EPB41L2: variants seen among roughly 807,000 people sequenced by gnomAD.
The protein encoded by EPB41L2 is erythrocyte membrane protein band 4.1 like 2, also known as band 4.1-like protein 2.
Under a neutral mutation model 113.0 loss-of-function variants are expected in EPB41L2, and 43 were observed. The ratio of observed to expected loss-of-function variants is 0.38; its 90% CI spans 0.30 to 0.49. EPB41L2 has a LOEUF of 0.49. EPB41L2 is among the 20% of genes least tolerant of loss of function. The pLI is 0.95. For synonymous variants in EPB41L2, 442 were observed against 436.7 expected, an observed-to-expected ratio of 1.01 and a Z score of -0.15; for missense variants, 1,147 against 1,223.4, an observed-to-expected ratio of 0.94 and a Z score of 0.93.
At chr6:131,029,943 G>A (rs1201343561) in intron 1 of EPB41L2, among the ~76,000 whole-genome samples, 5 of 148,688 alleles carry the variant, frequency 3.4e-5, no homozygotes. Context: ...CTGCACAATT[G>A]GATTGTGGCT....
intron 14 of EPB41L2, chr6:130,872,232 T>C: frequency 1.6e-6 from 1 of 614,666 alleles, no homozygotes; most frequent in South Asian, 2.9e-5. Flanking sequence ...ATTCAGTCAT[T>C]GTTTCTTGAA....
chr6:131,013,251 T>A lies in EPB41L2; in HGVS notation c.-15+49904A>T, dbSNP rs557447214. Among the ~76,000 whole-genome samples, 37 of 140,672 alleles carry A rather than the reference T, an allele frequency of 2.6e-4. No homozygotes were observed. The East Asian group carries it at 3.1e-3, about 12-fold the overall frequency. 92.3% of individuals were successfully genotyped at this position (140,672 alleles called of 152,430 possible). The stretch of plus-strand genomic sequence containing the variant: ...TCAGTTAACTAAAGAAAAAAAAAAA[T>A]ATATATATATAAGACCCAATCCTGT... On this transcript the variant is annotated intron_variant, in intron 1 of 19. Transcript: ENST00000337057.
intron 4 of EPB41L2, among the ~76,000 whole-genome samples, chr6:130,911,627 T>C (rs1799430430): frequency 6.6e-6 from 1 of 152,126 alleles, no homozygotes; most frequent in South Asian, 2.1e-4. Context: ...AGGAAACTGT[T>C]ACAGCATCTT....
rs144543242 is a variant in EPB41L2, at chr6:130,866,069, G to C, written c.2731-435C>G. On this transcript the variant is annotated intron_variant, in intron 16 of 19. Coordinates refer to ENST00000337057, the MANE Select transcript of EPB41L2 (RefSeq NM_001431.4). ...ATCAAATTACCAAGCAACAGAACCT[G>C]ACCAGGACAAACTGAATCTGCATGA... 3.3e-5 allele frequency among the ~76,000 whole-genome samples: 5 copies of C among 152,296 alleles called. No individual in the cohort carries two copies. In the East Asian group the frequency reaches 9.6e-4, roughly 29 times the overall value.
chr6:130,885,347 G>C, intron 11 of EPB41L2, 79 bp from the exon 12 acceptor site: 2 of 1,367,312 alleles, frequency 1.5e-6, no homozygotes, highest in East Asian at 2.3e-5. Context: ...CCTTACAGGA[G>C]ATAAACAGGC....
chr6:131,009,087 C>A (rs1479510436), intron 1 of EPB41L2, among the ~76,000 whole-genome samples: 3 of 152,146 alleles, frequency 2.0e-5, no homozygotes, highest in African/African-American at 7.2e-5. Flanking sequence ...TGGTTTGCCT[C>A]TGTGTCCCCA....
intron 1 of EPB41L2, among the ~76,000 whole-genome samples, chr6:131,060,460 A>G (rs921503912): frequency 6.6e-6 from 1 of 152,252 alleles, no homozygotes; most frequent in Non-Finnish European, 1.5e-5. Context: ...GTGGTTGGGT[A>G]GTACACGTGG....
rs202008045 is a variant in EPB41L2 at position 131,023,992 on chromosome 6, G to GA, written c.-15+39162dup. ...GACTCAGGCATTAGGCTGAACACTG[G>GA]AAAAAAAAGGAGGAAAGTGGACAAA... On this transcript the variant is annotated intron_variant, in intron 1 of 19. Transcript: ENST00000337057. Among the ~76,000 whole-genome samples, 296 of 151,574 alleles carry GA rather than the reference G, an allele frequency of 2.0e-3. 12 individuals carry two copies. In the East Asian group the frequency reaches 0.049, roughly 25 times the overall value.
At chr6:130,997,800 A>G (rs1267702387) in intron 1 of EPB41L2, among the ~76,000 whole-genome samples, 1 of 152,180 alleles carries the variant, frequency 6.6e-6, no homozygotes, top group Non-Finnish European at 1.5e-5. Context: ...CTAAACATGG[A>G]GAATGACAGT....
chr6:131,053,424 A>G (rs1014893981), intron 1 of EPB41L2, among the ~76,000 whole-genome samples: 2 of 131,060 alleles, frequency 1.5e-5, no homozygotes, highest in Admixed American at 7.9e-5. Flanking sequence ...AGGGACGAAC[A>G]TGGAAATGAT....
At chr6:131,039,877 A>G (rs1794100598) in intron 1 of EPB41L2, among the ~76,000 whole-genome samples, 1 of 152,072 alleles carries the variant, frequency 6.6e-6, no homozygotes, top group Non-Finnish European at 1.5e-5. Context: ...TTATACCAAG[A>G]GCTTATTCTG....
In EPB41L2 at chr6:130,904,485, T is replaced by C. The variant is rs754723803; in HGVS notation, c.909A>G (p.Gln303=). 32 of 1,603,600 alleles carry C rather than the reference T, an allele frequency of 2.0e-5. 1 individual carries two copies. Among genetic ancestry groups the C allele is most frequent in the South Asian group, 1.7e-4 (15 of 89,796 alleles). ...AGTACCTGGTGATATCTTCAGTCAA[T>C]TGAGAAGGATCAGGAGGATAAAACT... The part of the protein sequence containing the change: ...NVKFYPPDPS[Q]LTEDITRYFL... Residue 303 remains glutamine (Q), a synonymous_variant, in exon 6 of 20, where the codon CAA becomes CAG. Transcript: ENST00000337057.
At chr6:131,030,628 T>C (rs1791948770) in intron 1 of EPB41L2, among the ~76,000 whole-genome samples, 1 of 152,212 alleles carries the variant, frequency 6.6e-6, no homozygotes, top group East Asian at 1.9e-4. Flanking sequence ...CTGAATTAAG[T>C]TAATCTGAAC....
At chr6:130,948,199 A>G (rs1286991830) in intron 3 of EPB41L2, among the ~76,000 whole-genome samples, 2 of 152,240 alleles carry the variant, frequency 1.3e-5, no homozygotes, top group Admixed American at 6.5e-5. Context: ...GAAGACTCCT[A>G]TGCTTTCCCA....
At chr6:130,886,617 G>T (rs975251403) in intron 11 of EPB41L2, among the ~76,000 whole-genome samples, 1 of 138,180 alleles carries the variant, frequency 7.2e-6, no homozygotes, top group South Asian at 2.4e-4. Context: ...ATTTTCCAGC[G>T]GTTTTTGTTG....
chr6:131,061,135 T>C (rs1481900369), intron 1 of EPB41L2, among the ~76,000 whole-genome samples: 2 of 152,204 alleles, frequency 1.3e-5, no homozygotes, highest in African/African-American at 2.4e-5. Context: ...AGAACTGTTA[T>C]GACTAAGTCT....
intron 19 of EPB41L2, among the ~76,000 whole-genome samples, chr6:130,850,652 CTG>C (rs1427396016): frequency 6.6e-6 from 1 of 152,186 alleles, no homozygotes; most frequent in African/African-American, 2.4e-5. Context: ...TTATGGGTCA[CTG>C]ACATTTCCTA....
chr6:130,844,910 G>A (rs1254793298), intron 19 of EPB41L2, among the ~76,000 whole-genome samples: 2 of 152,144 alleles, frequency 1.3e-5, no homozygotes, highest in African/African-American at 4.8e-5. Context: ...GGGCATGGTG[G>A]CACACGCCTG....
At chr6:131,051,090 G>A (rs989375547) in intron 1 of EPB41L2, among the ~76,000 whole-genome samples, 2 of 151,908 alleles carry the variant, frequency 1.3e-5, no homozygotes, top group East Asian at 3.9e-4. Flanking sequence ...AAAGACCACA[G>A]GAAAAAAATA....
Sources: gnomAD v4.1 joint callset for allele counts (sites outside exome capture counted in the v4.1 genomes callset) on GRCh38, gnomAD v4.1.1 for gene constraint, MANE v1.5 for transcripts, NCBI Gene and HGNC (gene_info 2026-07-23, HGNC 2026-07-21) for gene names.